The following VPS13B variants were observed in gnomAD, a reference collection of about 807,000 sequenced individuals.
VPS13B encodes vacuolar protein sorting 13 homolog B.
In VPS13B, 285 loss-of-function variants were observed where a neutral mutation model predicts 426.4. That is an observed-to-expected ratio of 0.67 (90% CI 0.61 to 0.74). VPS13B has a LOEUF of 0.74. Ranked by LOEUF, VPS13B falls within the 30% of genes least tolerant of loss-of-function variation. The probability of loss-of-function intolerance (pLI) is 0.00; values close to 1 mark genes in which losing one functional copy is unlikely to be tolerated. For missense variants in VPS13B, 4,537 were observed against 4,782.6 expected (o/e 0.95, Z 1.51); for synonymous variants, 1,676 against 1,676.4 (o/e 1.00, Z 0.01).
chr8:99,691,466 T>C (rs2130086710), intron 35 of VPS13B, among the ~76,000 whole-genome samples: 1 of 152,206 alleles, frequency 6.6e-6, no homozygotes, highest in Admixed American at 6.5e-5. Flanking sequence ...GAAAGGAACA[T>C]TTTAGTATTG....
intron 21 of VPS13B, among the ~76,000 whole-genome samples, chr8:99,401,012 T>C (rs1027204444): frequency 4.6e-5 from 7 of 152,228 alleles, no homozygotes; most frequent in African/African-American, 7.2e-5. Flanking sequence ...AATACTTTGT[T>C]ATAACAACTT....
chr8:99,099,271 A>G (rs373164175), intron 4 of VPS13B, among the ~76,000 whole-genome samples: 10 of 152,204 alleles, frequency 6.6e-5, no homozygotes, highest in Admixed American at 2.6e-4. Flanking sequence ...AGAACATTCT[A>G]AAGAACTTAT....
At chr8:99,640,367 C>T (rs1186370993) in intron 33 of VPS13B, among the ~76,000 whole-genome samples, 2 of 151,984 alleles carry the variant, frequency 1.3e-5, no homozygotes, top group Non-Finnish European at 2.9e-5. Context: ...AACACCACCT[C>T]CCAGGCTCAA....
chr8:99,232,049 T>C (rs570832045), intron 17 of VPS13B, among the ~76,000 whole-genome samples: 1 of 152,064 alleles, frequency 6.6e-6, no homozygotes, highest in Non-Finnish European at 1.5e-5. Flanking sequence ...GAGGCTGACG[T>C]GTGTGTTTTG....
At chr8:99,324,312 C>T (rs1563668444) in intron 19 of VPS13B, among the ~76,000 whole-genome samples, 1 of 152,154 alleles carries the variant, frequency 6.6e-6, no homozygotes, top group African/African-American at 2.4e-5. Flanking sequence ...CCTTTTTATT[C>T]TTTTCAGCTT....
chr8:99,519,433 C>T (rs1356676015), intron 29 of VPS13B, among the ~76,000 whole-genome samples: 1 of 152,226 alleles, frequency 6.6e-6, no homozygotes, highest in African/African-American at 2.4e-5. Context: ...ACCATTTGAC[C>T]CAGCCGTCCC....
intron 2 of VPS13B, among the ~76,000 whole-genome samples, chr8:99,024,936 A>G (rs6989751): frequency 0.74 from 112,775 of 152,032 alleles, 42,478 homozygotes; most frequent in South Asian, 0.87. Context: ...ATGTCTTTCT[A>G]ATTTCTTTGT....
At chr8:99,165,951 T>G (rs533486603) in intron 15 of VPS13B, among the ~76,000 whole-genome samples, 1 of 152,324 alleles carries the variant, frequency 6.6e-6, no homozygotes, top group Non-Finnish European at 1.5e-5. Context: ...GAGTACAGTT[T>G]TTGGGTAATA....
rs369493492 is a variant in VPS13B at position 99,833,433 on chromosome 8, A to G, written c.9614+781A>G. ...TGTAGACTTTATTTGAGATTTAGCA[A>G]TGCTAACTCTTTTGATGTAATATTT... On this transcript the variant is annotated intron_variant, in intron 52 of 61. Transcript: ENST00000357162. 4.2e-4 allele frequency among the ~76,000 whole-genome samples: 64 copies of G among 152,358 alleles called. 1 individual carries two copies. Among genetic ancestry groups the G allele is most frequent in the Middle Eastern group, 3.4e-3 (1 of 294 alleles).
At chr8:99,494,572 AT>A (rs1349413468) in intron 25 of VPS13B, among the ~76,000 whole-genome samples, 8 of 152,102 alleles carry the variant, frequency 5.3e-5, no homozygotes, top group Non-Finnish European at 1.2e-4. Context: ...GAATTCATTG[AT>A]TAGTTCTAAA....
At chr8:99,707,525 A>G (rs1442949822) in intron 36 of VPS13B, among the ~76,000 whole-genome samples, 3 of 152,150 alleles carry the variant, frequency 2.0e-5, no homozygotes, top group African/African-American at 4.8e-5. Flanking sequence ...CTTTTCTCCC[A>G]TTGACCTCAT....
intron 58 of VPS13B, among the ~76,000 whole-genome samples, chr8:99,863,859 G>A (rs1264328698): frequency 6.6e-6 from 1 of 152,062 alleles, no homozygotes; most frequent in Non-Finnish European, 1.5e-5. Context: ...TTAATTCTTG[G>A]GGTAACATAA....
chr8:99,077,520 G>T (rs1845199367), intron 3 of VPS13B, among the ~76,000 whole-genome samples: 1 of 151,852 alleles, frequency 6.6e-6, no homozygotes, highest in African/African-American at 2.4e-5. Context: ...TTCTTGGTGG[G>T]CAGTTTTTTT....
intron 17 of VPS13B, among the ~76,000 whole-genome samples, chr8:99,256,167 T>A (rs575913471): frequency 5.9e-5 from 9 of 152,272 alleles, no homozygotes; most frequent in Admixed American, 1.3e-4. Flanking sequence ...GTTGCTGGCT[T>A]CTAGGATATA....
chr8:99,259,810 G>T (rs148219371), intron 17 of VPS13B, among the ~76,000 whole-genome samples: 1 of 152,210 alleles, frequency 6.6e-6, no homozygotes, highest in East Asian at 1.9e-4. Context: ...GGCAATGTAT[G>T]TGAAAAAGAA....
At chr8:99,796,779 T>C (rs1006959410) in intron 43 of VPS13B, 1 of 152,238 alleles carries the variant, frequency 6.6e-6, no homozygotes, top group African/African-American at 2.4e-5. Flanking sequence ...ACATATTTAG[T>C]GGTCAGCAGG....
chr8:99,331,253 GA>G (rs1810526522), intron 19 of VPS13B, among the ~76,000 whole-genome samples: 1 of 151,762 alleles, frequency 6.6e-6, no homozygotes, highest in Non-Finnish European at 1.5e-5. Context: ...AAAGTGCTTA[GA>G]AAACCTTACT....
chr8:99,816,835 T>TA (rs955758148), intron 44 of VPS13B, among the ~76,000 whole-genome samples: 10 of 151,858 alleles, frequency 6.6e-5, no homozygotes, highest in Non-Finnish European at 8.8e-5. Context: ...CTGAATAAAA[T>TA]AAAAAAAATT....
Position 99,470,863 on chromosome 8 carries a change from T to C in VPS13B, c.3666+3229T>C, listed in dbSNP as rs560632934. Among the ~76,000 whole-genome samples the C allele has an allele frequency of 5.4e-4, 82 of 152,174 alleles. 1 individual carries two copies. The South Asian group carries it at 0.011, about 21-fold the overall frequency. On this transcript the variant is annotated intron_variant, in intron 24 of 61. Coordinates refer to ENST00000357162, the MANE Select transcript of VPS13B (RefSeq NM_152564.5). ...ATTTGGACACATTGTGATTAAAATATTGAAAACGAAAAATAAATTTTTTAA... is the reference window on the plus strand; with the variant it reads ...ATTTGGACACATTGTGATTAAAATACTGAAAACGAAAAATAAATTTTTTAA...
Sources: gnomAD v4.1 joint callset for allele counts (sites outside exome capture counted in the v4.1 genomes callset) on GRCh38, gnomAD v4.1.1 for gene constraint, MANE v1.5 for transcripts, NCBI Gene and HGNC (gene_info 2026-07-23, HGNC 2026-07-21) for gene names.